DPP6: variants seen among roughly 807,000 people sequenced by gnomAD.
DPP6 encodes the protein A-type potassium channel modulatory protein DPP6.
DPP6 carries 69 observed loss-of-function variants against 122.6 expected under a neutral mutation model. The ratio of observed to expected loss-of-function variants is 0.56; its 90% CI spans 0.46 to 0.69. The LOEUF is 0.69. Ranked by LOEUF, DPP6 falls within the 30% of genes least tolerant of loss-of-function variation. The pLI is 0.00. For missense variants in DPP6, 928 were observed against 1,116.9 expected (o/e 0.83, Z 2.41); for synonymous variants, 418 against 433.1 (o/e 0.97, Z 0.43).
At chr7:153,880,758 C>A in the DPP6 span, among the ~76,000 whole-genome samples, 1 of 152,124 alleles carries the variant, frequency 6.6e-6, no homozygotes, top group Non-Finnish European at 1.5e-5. Flanking sequence ...CTGAGATGAA[C>A]CTGAAATACA....
upstream of DPP6, among the ~76,000 whole-genome samples, chr7:154,047,756 G>A (rs1324590100): frequency 5.3e-5 from 8 of 152,316 alleles, no homozygotes; most frequent in South Asian, 2.1e-4. Flanking sequence ...TATATTCTAC[G>A]TATAGCCTAC....
intron 1 of DPP6, among the ~76,000 whole-genome samples, chr7:154,341,697 T>C (rs1160018791): frequency 6.6e-6 from 1 of 151,928 alleles, no homozygotes; most frequent in Non-Finnish European, 1.5e-5. Context: ...TGTGTATGCA[T>C]GTGTGTACGT....
intron 1 of DPP6, among the ~76,000 whole-genome samples, chr7:153,981,764 C>T (rs1166958363): frequency 1.3e-5 from 2 of 152,018 alleles, no homozygotes; most frequent in African/African-American, 4.8e-5. Flanking sequence ...TCAGCATTTG[C>T]TTGTCTGTAA....
Position 154,308,901 on chromosome 7 carries a change from G to A in DPP6, c.244-137313G>A, listed in dbSNP as rs141931346. Among the ~76,000 whole-genome samples, 8 of 152,246 alleles carry A rather than the reference G, an allele frequency of 5.3e-5. No individual in the cohort carries two copies. In the East Asian group the frequency reaches 1.5e-3, roughly 29 times the overall value. On this transcript the variant is annotated intron_variant, in intron 1 of 25. Coordinates refer to ENST00000377770, the MANE Select transcript of DPP6 (RefSeq NM_130797.4). Reference sequence around the variant, plus strand: ...ACATTTTTGCTCAAATATTAAGCAGGGATAAGTTTTTCCTAGCATATTGTG... The same window carrying A: ...ACATTTTTGCTCAAATATTAAGCAGAGATAAGTTTTTCCTAGCATATTGTG...
At chr7:154,646,452 T>G (rs1836487908) in intron 6 of DPP6, among the ~76,000 whole-genome samples, 1 of 152,130 alleles carries the variant, frequency 6.6e-6, no homozygotes, top group African/African-American at 2.4e-5. Context: ...AGAAATGTCC[T>G]GGTCATTGTG....
intron 1 of DPP6, among the ~76,000 whole-genome samples, chr7:154,008,837 T>G (rs1798034101): frequency 6.6e-6 from 1 of 151,844 alleles, no homozygotes. Context: ...AATTTTTTTT[T>G]TGTATTTTTA....
At chr7:154,141,028 GT>G (rs533903129) in intron 1 of DPP6, among the ~76,000 whole-genome samples, 3 of 152,282 alleles carry the variant, frequency 2.0e-5, no homozygotes, top group African/African-American at 7.2e-5. Context: ...GACTGTCTTT[GT>G]GAGAAGCTGA....
At chr7:154,204,155 A>G (rs1201289324) in intron 1 of DPP6, among the ~76,000 whole-genome samples, 1 of 152,204 alleles carries the variant, frequency 6.6e-6, no homozygotes, top group East Asian at 1.9e-4. Flanking sequence ...TCCAGGAACA[A>G]TGTCCACATG....
intron 5 of DPP6, among the ~76,000 whole-genome samples, chr7:154,626,643 CA>C (rs1215347116): frequency 3.9e-5 from 6 of 152,202 alleles, no homozygotes; most frequent in African/African-American, 1.4e-4. Context: ...AAGAAGAACT[CA>C]CCATTTCTAC....
chr7:154,107,444 G>A (rs575448350), intron 1 of DPP6, among the ~76,000 whole-genome samples: 1 of 152,196 alleles, frequency 6.6e-6, no homozygotes, highest in East Asian at 1.9e-4. Flanking sequence ...GGAGATGTTG[G>A]TACAAGGATA....
At chr7:154,028,315 A>C (rs1799049370) in intron 1 of DPP6, among the ~76,000 whole-genome samples, 1 of 151,978 alleles carries the variant, frequency 6.6e-6, no homozygotes. Context: ...AGGCCACAAC[A>C]GCGTTTGCGT....
At chr7:154,753,128 C>T (rs1259978807) in intron 8 of DPP6, among the ~76,000 whole-genome samples, 2 of 152,184 alleles carry the variant, frequency 1.3e-5, no homozygotes, top group African/African-American at 4.8e-5. Flanking sequence ...ACGCTTGCCT[C>T]CTGCGGTCCT....
At position 154,745,082 on chromosome 7, in the gene DPP6, A is replaced by G. The variant is rs140768635; in HGVS notation, c.883+17195A>G. Among the ~76,000 whole-genome samples, 759 of 152,380 alleles carry G rather than the reference A, an allele frequency of 5.0e-3. 4 individuals carry two copies. The highest frequency in any genetic ancestry group is 8.5e-3 in the Non-Finnish European group (580 of 68,038). ...GCTGCCAGACTGCATGAGGTTTAACATGGAAAATTAACTGCAGTCTTGTTC... is the reference window on the plus strand; with the variant it reads ...GCTGCCAGACTGCATGAGGTTTAACGTGGAAAATTAACTGCAGTCTTGTTC... On this transcript the variant is annotated intron_variant, in intron 8 of 25. Transcript: ENST00000377770.
At chr7:154,406,441 A>G (rs942691192) in intron 1 of DPP6, among the ~76,000 whole-genome samples, 2 of 148,894 alleles carry the variant, frequency 1.3e-5, no homozygotes, top group Non-Finnish European at 3.0e-5. Context: ...ACACACACAC[A>G]CACACACGCA....
chr7:154,148,666 T>C (rs181094256), intron 1 of DPP6, among the ~76,000 whole-genome samples: 1,290 of 150,546 alleles, frequency 8.6e-3, no homozygotes, highest in African/African-American at 0.03. Context: ...TTTAATTTTC[T>C]GAAGCAGTGA....
In DPP6 at chr7:154,444,645, G is replaced by A. The variant is rs142159533; in HGVS notation, c.244-1569G>A. Among the ~76,000 whole-genome samples, 15 of 152,252 alleles carry A rather than the reference G, an allele frequency of 9.9e-5. No individual in the cohort carries two copies. The East Asian group carries it at 1.2e-3, about 12-fold the overall frequency. On this transcript the variant is annotated intron_variant, in intron 1 of 25. Transcript: ENST00000377770. ...TGTCAACTGGGCTGTGAGAAATTGC[G>A]TGCACTAGGTTGCTTGTATGAATAG...
chr7:153,895,899 G>T (rs1042246824), intron 1 of DPP6, among the ~76,000 whole-genome samples: 49 of 152,194 alleles, frequency 3.2e-4, no homozygotes, highest in African/African-American at 1.1e-3. Context: ...TAACCACACT[G>T]TAATAAAACA....
chr7:154,494,744 T>C (rs2151393201), intron 3 of DPP6, among the ~76,000 whole-genome samples: 1 of 152,242 alleles, frequency 6.6e-6, no homozygotes, highest in South Asian at 2.1e-4. Context: ...GGCCCAGTGA[T>C]CCCCAACCCA....
chr7:154,404,477 T>G (rs2151192852), intron 1 of DPP6, among the ~76,000 whole-genome samples: 1 of 152,270 alleles, frequency 6.6e-6, no homozygotes, highest in Middle Eastern at 3.4e-3. Flanking sequence ...AGGATTACCA[T>G]CTTTGAGCTA....
Sources: allele counts gnomAD v4.1 joint callset (sites outside exome capture counted in the v4.1 genomes callset), GRCh38; gene constraint gnomAD v4.1.1; transcripts MANE v1.5; gene names NCBI Gene and HGNC (gene_info 2026-07-23, HGNC 2026-07-21).